FOXP2: variants seen among roughly 807,000 people sequenced by gnomAD.
FOXP2 encodes the protein forkhead box protein P2.
In FOXP2, 12 loss-of-function variants were observed where a neutral mutation model predicts 115.8. The ratio of observed to expected loss-of-function variants is 0.10; its 90% CI spans 0.07 to 0.17. The LOEUF (loss-of-function observed/expected upper bound fraction) is 0.17. Among genes scored for constraint, FOXP2 ranks in the 10% least tolerant of loss-of-function variants. The pLI is 1.00. For missense variants in FOXP2, 629 were observed against 843.5 expected (o/e 0.75, Z 3.15); for synonymous variants, 328 against 297.7 (o/e 1.10, Z -1.05).
chr7:114,371,862 C>T (rs566929006), intron 2 of FOXP2, among the ~76,000 whole-genome samples: 10 of 151,822 alleles, frequency 6.6e-5, no homozygotes, highest in South Asian at 2.1e-4. Flanking sequence ...TATTGTGGAC[C>T]GTTAGGCAAT....
intron 1 of FOXP2, among the ~76,000 whole-genome samples, chr7:114,225,752 C>A (rs1794731345): frequency 6.6e-6 from 1 of 152,130 alleles, no homozygotes; most frequent in Non-Finnish European, 1.5e-5. Flanking sequence ...TGTACCCAGT[C>A]TTTTCTAGCA....
chr7:114,440,413 A>AT (rs1452137892), intron 2 of FOXP2, among the ~76,000 whole-genome samples: 3 of 152,214 alleles, frequency 2.0e-5, no homozygotes, highest in Non-Finnish European at 4.4e-5. Flanking sequence ...GATCTCATTC[A>AT]TGTAGCCAGT....
At chr7:114,317,878 A>T (rs1797310205) in intron 2 of FOXP2, among the ~76,000 whole-genome samples, 1 of 152,000 alleles carries the variant, frequency 6.6e-6, no homozygotes, top group Non-Finnish European at 1.5e-5. Context: ...CACTAAACAC[A>T]CTAAGTATGC....
intron 3 of FOXP2, among the ~76,000 whole-genome samples, chr7:114,622,930 C>T (rs964019945): frequency 2.0e-5 from 3 of 151,768 alleles, no homozygotes; most frequent in African/African-American, 7.3e-5. Flanking sequence ...AGCTCACTAG[C>T]CATATAAACA....
At chr7:114,357,354 T>C (rs1791641254) in intron 2 of FOXP2, among the ~76,000 whole-genome samples, 1 of 152,188 alleles carries the variant, frequency 6.6e-6, no homozygotes, top group Admixed American at 6.5e-5. Context: ...AAAATATTAA[T>C]GGAGACGTAT....
intron 2 of FOXP2, among the ~76,000 whole-genome samples, chr7:114,516,150 C>T (rs1798331875): frequency 6.6e-6 from 1 of 152,176 alleles, no homozygotes; most frequent in Non-Finnish European, 1.5e-5. Flanking sequence ...TGCTACCTGA[C>T]TTCAAACTAT....
chr7:114,313,043 GAA>G (rs965563476), intron 2 of FOXP2, among the ~76,000 whole-genome samples: 4 of 152,154 alleles, frequency 2.6e-5, no homozygotes, highest in Non-Finnish European at 5.9e-5. Flanking sequence ...CCATTTTTGT[GAA>G]GAGGGGGAAA....
At chr7:114,423,645 A>T (rs1475155094) in intron 1 of FOXP2, among the ~76,000 whole-genome samples, 1 of 151,608 alleles carries the variant, frequency 6.6e-6, no homozygotes, top group African/African-American at 2.4e-5. Flanking sequence ...TTAGCTTGGT[A>T]TGTTTCGGAT....
In FOXP2 at chr7:114,096,495, T is replaced by C. The variant is rs550525489; in HGVS notation, c.-247+8657T>C. Among the ~76,000 whole-genome samples the C allele has an allele frequency of 2.0e-5, 3 of 152,328 alleles. No individual in the cohort carries two copies. In the East Asian group the frequency reaches 5.8e-4, roughly 29 times the overall value. On this transcript the variant is annotated intron_variant, in intron 1 of 19. Coordinates refer to the FOXP2 transcript ENST00000635638. ...GCCATCCCTAATCGTACGTGTCCGA[T>C]GTTCAAAATATTCTACACACAGTAA...
chr7:114,633,035 C>A (rs1218792892), intron 6 of FOXP2, among the ~76,000 whole-genome samples: 2 of 151,832 alleles, frequency 1.3e-5, no homozygotes, highest in Non-Finnish European at 2.9e-5. Flanking sequence ...TATACTAAAA[C>A]AGAAAAAATA....
At chr7:114,680,614 T>G (rs970842655) in intron 16 of FOXP2, among the ~76,000 whole-genome samples, 15 of 152,018 alleles carry the variant, frequency 9.9e-5, no homozygotes, top group Admixed American at 3.3e-4. Flanking sequence ...CACTCCTGCC[T>G]TAAGCTATGT....
intron 1 of FOXP2, among the ~76,000 whole-genome samples, chr7:114,420,812 G>C (rs546932809): frequency 6.6e-6 from 1 of 151,626 alleles, no homozygotes; most frequent in Admixed American, 6.6e-5. Flanking sequence ...ATGATTTAAT[G>C]AATTAAACTA....
chr7:114,108,374 T>C (rs963479555), intron 1 of FOXP2, among the ~76,000 whole-genome samples: 1 of 151,888 alleles, frequency 6.6e-6, no homozygotes, highest in African/African-American at 2.4e-5. Flanking sequence ...CAGAGGCTGG[T>C]TTCCTAAAAG....
rs888668722 is a variant in FOXP2 at position 114,203,091 on chromosome 7, A to T, written c.-102+40003A>T. The stretch of plus-strand genomic sequence containing the variant: ...ATTGTCTGCATCAGTACTCATCCAG[A>T]TCCTCTTTCCTCTGGATGGTTTCTG... On this transcript the variant is annotated intron_variant, in intron 1 of 17. Transcript: ENST00000634411. Among the ~76,000 whole-genome samples the T allele has an allele frequency of 1.5e-4, 23 of 152,126 alleles. 1 individual carries two copies. The highest frequency in any genetic ancestry group is 4.8e-4 in the African/African-American group (20 of 41,414).
In FOXP2 at chr7:114,691,974, T is replaced by C. The variant is rs1348742545; in HGVS notation, c.*2048T>C. On this transcript the variant is annotated 3_prime_UTR_variant, in exon 17 of 17. Transcript: ENST00000350908. ...AAAAAAAAGAAAAACATTAGAACAA[T>C]TATGGCAGATTGCATGAAACGTGAG... 1 of 432,790 alleles carries C rather than the reference T, an allele frequency of 2.3e-6. No homozygotes were observed. The highest frequency in any genetic ancestry group is 2.7e-5 in the Admixed American group (1 of 37,322). The allele number at this position is 432,790 out of a possible 1,614,324, so 26.8% of individuals were successfully genotyped here. A position where few individuals can be genotyped will look rare whatever the true frequency, so the allele number is the denominator to read the frequency against.
At chr7:114,580,460 C>A (rs777850384) in intron 3 of FOXP2, among the ~76,000 whole-genome samples, 3 of 152,068 alleles carry the variant, frequency 2.0e-5, no homozygotes, top group African/African-American at 7.3e-5. Flanking sequence ...TTCCTGTAGT[C>A]CCAGCTACTT....
intron 1 of FOXP2, among the ~76,000 whole-genome samples, chr7:114,152,948 C>T (rs566633661): frequency 2.0e-5 from 3 of 152,184 alleles, no homozygotes; most frequent in East Asian, 1.9e-4. Flanking sequence ...GATTGATCCA[C>T]GGAACAGAAC....
At chr7:114,357,811 G>T (rs1791651179) in intron 2 of FOXP2, among the ~76,000 whole-genome samples, 1 of 152,064 alleles carries the variant, frequency 6.6e-6, no homozygotes, top group Non-Finnish European at 1.5e-5. Context: ...CAGCAGTGTG[G>T]TTTGTAGAAT....
At chr7:114,488,084 C>A (rs539784493) in intron 2 of FOXP2, among the ~76,000 whole-genome samples, 10 of 152,268 alleles carry the variant, frequency 6.6e-5, no homozygotes, top group African/African-American at 2.4e-4. Context: ...ACTCACAGTT[C>A]CACATGGCTG....
Sources: allele counts gnomAD v4.1 joint callset (sites outside exome capture counted in the v4.1 genomes callset), GRCh38; gene constraint gnomAD v4.1.1; transcripts MANE v1.5; gene names NCBI Gene and HGNC (gene_info 2026-07-23, HGNC 2026-07-21).